HIPK1: variants seen among roughly 807,000 people sequenced by gnomAD.
HIPK1 encodes the protein homeodomain-interacting protein kinase 1.
Under a neutral mutation model 117.1 loss-of-function variants are expected in HIPK1, and 28 were observed. The ratio of observed to expected loss-of-function variants is 0.24; its 90% CI spans 0.18 to 0.33. The LOEUF is 0.33. Ranked by LOEUF, HIPK1 falls within the 10% of genes least tolerant of loss-of-function variation. The probability of loss-of-function intolerance (pLI) is 1.00; values close to 1 mark genes in which losing one functional copy is unlikely to be tolerated. For missense variants in HIPK1, 1,122 were observed against 1,475.1 expected (o/e 0.76, Z 3.92); for synonymous variants, 605 against 562.5 (o/e 1.08, Z -1.07).
At chr1:113,943,136 C>CAATTTT (rs1670760698) in intron 2 of HIPK1, among the ~76,000 whole-genome samples, 1 of 152,188 alleles carries the variant, frequency 6.6e-6, no homozygotes, top group African/African-American at 2.4e-5. Context: ...CCATTTGGTA[C>CAATTTT]CACTCATTGT....
At chr1:113,962,595 A>G (rs920774783) in intron 9 of HIPK1, among the ~76,000 whole-genome samples, 157 bp downstream of exon 9, 2 of 152,240 alleles carry the variant, frequency 1.3e-5, no homozygotes, top group African/African-American at 4.8e-5. Flanking sequence ...CAATATACTA[A>G]TTCCTAACAC....
chr1:113,940,609 C>A lies in HIPK1; in HGVS notation c.226C>A (p.Leu76Ile). Residue 76 changes from leucine to isoleucine, a missense_variant, in exon 2 of 16, where the codon CTC (leucine) becomes ATC (isoleucine). Around this residue, in one of 6 missense-constraint regions of HIPK1, gnomAD observed 192 missense variants for 234.0 expected, o/e 0.82. Coordinates refer to ENST00000426820, the MANE Select transcript of HIPK1 (RefSeq NM_198268.3). The stretch of plus-strand genomic sequence containing the variant: ...CCCTGCTTACGACCAGGGCCTCCTC[C>A]TCCCAGCTCCTGCAGTGGAGCATAT... ...NIPAYDQGLL[L>I]PAPAVEHIVV... 1 of 1,614,214 alleles carries A rather than the reference C, an allele frequency of 6.2e-7. No homozygotes were observed. Among genetic ancestry groups the A allele is most frequent in the South Asian group, 1.1e-5 (1 of 91,090 alleles).
rs1672857448 is a variant in HIPK1 at position 113,971,927 on chromosome 1, T to C, written c.3117T>C (p.Ser1039=). Residue 1039 remains serine (S), a synonymous_variant, in exon 15 of 16, where the codon AGT becomes AGC. Coordinates refer to ENST00000426820, the MANE Select transcript of HIPK1 (RefSeq NM_198268.3). ...TGYRAQRGGT[S]AAQPLNLSQN... is the part of the protein sequence containing the mutation. Reference sequence around the variant, plus strand: ...ATCGAGCTCAACGCGGGGGGACCAGTGCAGCACAACCACTCAATCTTAGCC... The same window carrying C: ...ATCGAGCTCAACGCGGGGGGACCAGCGCAGCACAACCACTCAATCTTAGCC... 1.2e-6 allele frequency: 2 copies of C among 1,610,642 alleles called. No individual in the cohort carries two copies. The highest frequency in any genetic ancestry group is 1.7e-5 in the Admixed American group (1 of 59,346).
intron 7 of HIPK1, among the ~76,000 whole-genome samples, 166 bp downstream of exon 7, chr1:113,957,452 C>T (rs1012078540): frequency 6.6e-6 from 1 of 152,166 alleles, no homozygotes; most frequent in African/African-American, 2.4e-5. Context: ...ATAATACTTA[C>T]CAGGCACAGG....
rs957986733 is a variant in HIPK1 at position 113,961,942 on chromosome 1, CAAAAAAAAAAAAA to C, written c.1982-360_1982-348del. Among the ~76,000 whole-genome samples, 10 of 32,304 alleles carry C rather than the reference CAAAAAAAAAAAAA, an allele frequency of 3.1e-4. No homozygotes were observed. In the South Asian group the frequency reaches 4.8e-3, roughly 16 times the overall value. 21.2% of individuals were successfully genotyped at this position (32,304 alleles called of 152,430 possible). On this transcript the variant is annotated intron_variant, in intron 8 of 15. Transcript: ENST00000426820. ...TGGGTGACAGAGCGAGACTCCATCTCAAAAAAAAAAAAAAAAAAAAAAAAAAATGAAAGTGAAT... is the reference window on the plus strand; with the variant it reads ...TGGGTGACAGAGCGAGACTCCATCTCAAAAAAAAAAAAAATGAAAGTGAAT...
At chr1:113,970,442 T>C (rs538889991) in intron 14 of HIPK1, among the ~76,000 whole-genome samples, 25 of 152,324 alleles carry the variant, frequency 1.6e-4, no homozygotes, top group African/African-American at 6.0e-4. Context: ...ACACATTCAG[T>C]GCTGATGGGA....
chr1:113,966,229 A>C lies in HIPK1; in HGVS notation c.2338A>C (p.Ile780Leu), dbSNP rs772023786. 3 of 1,614,084 alleles carry C rather than the reference A, an allele frequency of 1.9e-6. No homozygotes were observed. Among genetic ancestry groups the C allele is most frequent in the Non-Finnish European group, 2.5e-6 (3 of 1,179,966 alleles). ...LHNSVQPTAM[I>L]PEAMGSGQQL... Reference sequence around the variant, plus strand: ...CAACTCTGTCCAGCCCACAGCAATGATTCCAGAGGCCATGGGGAGTGGACA... The same window carrying C: ...CAACTCTGTCCAGCCCACAGCAATGCTTCCAGAGGCCATGGGGAGTGGACA... The change falls in exon 11 of 16, where the codon ATT becomes CTT. Residue 780 changes from isoleucine to leucine, a missense_variant. Ile to Leu is a conservative substitution (Grantham distance 5). Around this residue, in one of 6 missense-constraint regions of HIPK1, gnomAD observed 731 missense variants for 860.4 expected, o/e 0.85. Coordinates refer to ENST00000426820, the MANE Select transcript of HIPK1 (RefSeq NM_198268.3).
chr1:113,959,242 CTTGT>C (rs906777034), intron 8 of HIPK1, among the ~76,000 whole-genome samples: 2 of 151,576 alleles, frequency 1.3e-5, no homozygotes, highest in African/African-American at 2.4e-5. Flanking sequence ...CCGTGACTCT[CTTGT>C]TTGTTTGGTT....
At chr1:113,943,696 A>G (rs1474134749) in intron 2 of HIPK1, among the ~76,000 whole-genome samples, 2 of 152,224 alleles carry the variant, frequency 1.3e-5, no homozygotes, top group African/African-American at 4.8e-5. Flanking sequence ...TTTTTGCAGA[A>G]TTACCAAATT....
chr1:113,940,732 C>T lies in HIPK1; in HGVS notation c.349C>T (p.Pro117Ser). The T allele has an allele frequency of 6.2e-7, 1 of 1,614,132 alleles. No individual in the cohort carries two copies. Among genetic ancestry groups the T allele is most frequent in the Non-Finnish European group, 8.5e-7 (1 of 1,180,040 alleles). The change falls in exon 2 of 16, where the codon CCA becomes TCA. Residue 117 changes from proline to serine, a missense_variant. Physicochemically the swap from Pro to Ser is moderately conservative, Grantham distance 74 (BLOSUM62 -1). Transcript: ENST00000426820. The part of the protein sequence containing the change: ...THRSNVSLLE[P>S]YQKCGLKRKS... ...CAGAAGCAACGTTTCTTTGCTTGAG[C>T]CATATCAAAAATGTGGATTGAAACG...
chr1:113,941,518 A>G lies in HIPK1; in HGVS notation c.1076+59A>G. The G allele has an allele frequency of 7.7e-7, 1 of 1,300,088 alleles. No homozygotes were observed. 80.5% of individuals were successfully genotyped at this position (1,300,088 alleles called of 1,614,324 possible). On this transcript the variant is annotated intron_variant, in intron 2 of 15. Coordinates refer to ENST00000426820, the MANE Select transcript of HIPK1 (RefSeq NM_198268.3). This position sits in a 1 kb window ranked among gnomAD's most constrained non-coding sequence, Gnocchi z 4.9. ...CTAGAGTTCTGTCCTTATATTTAAC[A>G]TATACCCCGTAGGCTACATATAGCA...
intron 3 of HIPK1, 170 bp from the exon 4 acceptor site, chr1:113,954,481 A>G: frequency 1.7e-6 from 1 of 600,470 alleles, no homozygotes; most frequent in Non-Finnish European, 2.7e-6. Flanking sequence ...TAATAGATAC[A>G]GTAGCTGTGG....
At chr1:113,954,113 A>G (rs900504137) in intron 3 of HIPK1, among the ~76,000 whole-genome samples, 1 of 152,054 alleles carries the variant, frequency 6.6e-6, no homozygotes, top group African/African-American at 2.4e-5. Context: ...GGTGCATGCC[A>G]CCTTGCCTAG....
chr1:113,939,971 T>C (rs1000560594), intron 1 of HIPK1, among the ~76,000 whole-genome samples: 17 of 150,440 alleles, frequency 1.1e-4, no homozygotes, highest in African/African-American at 3.7e-4. Flanking sequence ...TTTTTTTTTT[T>C]CAATTTTAGT....
rs1468169688 is a variant in HIPK1, at chr1:113,962,355, G to A, written c.2020G>A (p.Val674Met). The change falls in exon 9 of 16, where the codon GTG becomes ATG. Residue 674 changes from valine (V) to methionine (M), a missense_variant. Physicochemically the swap from Val to Met is conservative, Grantham distance 21 (BLOSUM62 1). This residue lies in a region of HIPK1 where 731 missense variants were observed against 860.4 expected (regional missense o/e 0.85). Coordinates refer to ENST00000426820, the MANE Select transcript of HIPK1 (RefSeq NM_198268.3). ...QATTKHSGFP[V>M]RMDNAVPIVP... is the part of the protein sequence containing the mutation. The stretch of plus-strand genomic sequence containing the variant: ...AACAACAAAGCATTCTGGATTCCCT[G>A]TGAGGATGGATAATGCTGTACCGAT... 6.2e-7 allele frequency: 1 copy of A among 1,613,738 alleles called. No homozygotes were observed. The highest frequency in any genetic ancestry group is 8.5e-7 in the Non-Finnish European group (1 of 1,179,798).
chr1:113,937,305 A>T (rs1337673794), intron 1 of HIPK1, among the ~76,000 whole-genome samples: 1 of 152,214 alleles, frequency 6.6e-6, no homozygotes, highest in Non-Finnish European at 1.5e-5. Flanking sequence ...AAAGAAATGT[A>T]CTTACTGCCT....
At chr1:113,954,795 G>A (rs374886013) in intron 4 of HIPK1, 25 bp downstream of exon 4, 521 of 1,603,608 alleles carry the variant, frequency 3.2e-4, no homozygotes, top group Non-Finnish European at 4.3e-4. Context: ...CTATGCTTCC[G>A]ACTCCTGTAC....
chr1:113,975,014 A>G lies in HIPK1; in HGVS notation c.*1502A>G, dbSNP rs1673063804. 1 of 152,836 alleles carries G rather than the reference A, an allele frequency of 6.5e-6. No individual in the cohort carries two copies. Among genetic ancestry groups the G allele is most frequent in the South Asian group, 2.1e-4 (1 of 4,834 alleles). The allele number at this position is 152,836 out of a possible 1,614,324, so 9.5% of individuals were successfully genotyped here. ...TTAGAGCATATTACTGTAGTGCTGA[A>G]TGAGCAGGGGCATTGCCTGCAAGGA... On this transcript the variant is annotated 3_prime_UTR_variant, in exon 16 of 16. Transcript: ENST00000426820.
intron 10 of HIPK1, among the ~76,000 whole-genome samples, chr1:113,964,122 C>T (rs1672302686): frequency 6.6e-6 from 1 of 152,146 alleles, no homozygotes; most frequent in South Asian, 2.1e-4. Flanking sequence ...TGATCAGTGG[C>T]AGCTTATATC....
Sources: allele counts gnomAD v4.1 joint callset (sites outside exome capture counted in the v4.1 genomes callset), GRCh38; gene constraint gnomAD v4.1.1; regional missense constraint gnomAD v4.1.1; non-coding constraint Gnocchi (gnomAD v3.1); transcripts MANE v1.5; gene names NCBI Gene and HGNC (gene_info 2026-07-23, HGNC 2026-07-21).